The following PKHD1 variants were observed in gnomAD, a reference collection of about 807,000 sequenced individuals.
PKHD1 encodes the protein fibrocystin.
Under a neutral mutation model 412.0 loss-of-function variants are expected in PKHD1, and 291 were observed. The ratio of observed to expected loss-of-function variants is 0.71; its 90% CI spans 0.64 to 0.78. PKHD1 has a LOEUF of 0.78. Among genes scored for constraint, PKHD1 ranks in the 30% least tolerant of loss-of-function variants. The pLI, the probability that PKHD1 is intolerant of heterozygous loss-of-function variation, is 0.00. For synonymous variants in PKHD1, 1,777 were observed against 1,821.5 expected, an observed-to-expected ratio of 0.98 and a Z score of 0.62; for missense variants, 4,825 against 4,950.7, an observed-to-expected ratio of 0.97 and a Z score of 0.76.
chr6:51,791,458 G>T, intron 52 of PKHD1, 85 bp from the exon 53 acceptor site: 1 of 1,261,144 alleles, frequency 7.9e-7, no homozygotes, highest in Non-Finnish European at 1.1e-6. Flanking sequence ...CAGTTTGGGA[G>T]CTGTGTACAG....
At chr6:51,771,506 C>T (rs1365603840) in intron 55 of PKHD1, among the ~76,000 whole-genome samples, 4 of 151,704 alleles carry the variant, frequency 2.6e-5, no homozygotes, top group African/African-American at 9.7e-5. Flanking sequence ...GTAATCCCAG[C>T]TACTTGGGAG....
intron 60 of PKHD1, among the ~76,000 whole-genome samples, chr6:51,727,185 A>C (rs1047673683): frequency 1.3e-5 from 2 of 152,122 alleles, no homozygotes; most frequent in African/African-American, 4.8e-5. Flanking sequence ...TGCATTTTAA[A>C]CTTTTTTTTC....
chr6:51,710,413 A>G (rs1032917012), intron 60 of PKHD1, among the ~76,000 whole-genome samples: 1 of 152,160 alleles, frequency 6.6e-6, no homozygotes, highest in South Asian at 2.1e-4. Context: ...AACATAAAAT[A>G]TCATATTTAT....
chr6:52,007,050 C>A (rs1799172115), intron 35 of PKHD1, among the ~76,000 whole-genome samples: 1 of 152,176 alleles, frequency 6.6e-6, no homozygotes, highest in African/African-American at 2.4e-5. Flanking sequence ...AGTAGTATTC[C>A]ATTATATATA....
At chr6:51,803,455 C>T (rs1243565247) in intron 52 of PKHD1, among the ~76,000 whole-genome samples, 1 of 151,864 alleles carries the variant, frequency 6.6e-6, no homozygotes, top group East Asian at 1.9e-4. Flanking sequence ...AGTCCCAATA[C>T]TCTAAAATAT....
intron 35 of PKHD1, among the ~76,000 whole-genome samples, chr6:51,998,455 G>A (rs1211084489): frequency 1.3e-5 from 2 of 152,180 alleles, no homozygotes; most frequent in Non-Finnish European, 2.9e-5. Flanking sequence ...AATCAACTAA[G>A]TATCCATTAA....
chr6:51,956,305 CGT>C (rs3062566), intron 36 of PKHD1, among the ~76,000 whole-genome samples: 2,089 of 150,246 alleles, frequency 0.014, 23 homozygotes, highest in African/African-American at 0.036. Flanking sequence ...CTTATACATA[CGT>C]GTGTGTGTGT....
At chr6:51,721,894 T>C in intron 60 of PKHD1, 1 of 1,601,774 alleles carries the variant, frequency 6.2e-7, no homozygotes, top group African/African-American at 1.3e-5. Flanking sequence ...TTAACAAGTC[T>C]TTCCATTTGG....
intron 52 of PKHD1, among the ~76,000 whole-genome samples, chr6:51,792,359 CT>C (rs1793890188): frequency 6.6e-6 from 1 of 152,136 alleles, no homozygotes; most frequent in Admixed American, 6.6e-5. Context: ...ATAAGGAATT[CT>C]TTTGTTAGTA....
chr6:51,689,098 A>G (rs370595453), intron 60 of PKHD1, among the ~76,000 whole-genome samples: 2 of 152,324 alleles, frequency 1.3e-5, no homozygotes, highest in East Asian at 3.9e-4. Flanking sequence ...AAAATCCTCA[A>G]TAAAATACTG....
At chr6:51,895,170 T>A (rs1033609953) in intron 43 of PKHD1, among the ~76,000 whole-genome samples, 2 of 152,228 alleles carry the variant, frequency 1.3e-5, no homozygotes, top group Non-Finnish European at 2.9e-5. Flanking sequence ...TAACACTAAC[T>A]CAGCCAAGAA....
At chr6:51,730,185 T>C (rs1296459669) in intron 60 of PKHD1, among the ~76,000 whole-genome samples, 2 of 152,160 alleles carry the variant, frequency 1.3e-5, no homozygotes, top group Admixed American at 6.5e-5. Flanking sequence ...TCTAGTTTTT[T>C]AGTTTTGCTT....
chr6:51,693,179 T>C (rs1249053545), intron 60 of PKHD1, among the ~76,000 whole-genome samples: 1 of 152,202 alleles, frequency 6.6e-6, no homozygotes, highest in East Asian at 1.9e-4. Flanking sequence ...CATGTACTAA[T>C]AGGCCCCAAA....
At chr6:51,865,426 T>C (rs530677857) in intron 48 of PKHD1, among the ~76,000 whole-genome samples, 1 of 152,192 alleles carries the variant, frequency 6.6e-6, no homozygotes, top group Middle Eastern at 3.4e-3. Flanking sequence ...CACCGTCAGA[T>C]TTAAGGCAGT....
At chr6:51,650,648 C>T (rs1008171096) in intron 61 of PKHD1, among the ~76,000 whole-genome samples, 3 of 152,072 alleles carry the variant, frequency 2.0e-5, no homozygotes, top group Admixed American at 2.0e-4. Context: ...CAATGGATCA[C>T]TAAATATGAA....
chr6:51,700,280 T>C (rs1034877383), intron 60 of PKHD1, among the ~76,000 whole-genome samples: 5 of 151,790 alleles, frequency 3.3e-5, no homozygotes, highest in Non-Finnish European at 7.4e-5. Context: ...CTATGAAAGG[T>C]ACTTTAAAAT....
At chr6:51,954,229 A>G (rs1456057537) in intron 36 of PKHD1, among the ~76,000 whole-genome samples, 1 of 152,096 alleles carries the variant, frequency 6.6e-6, no homozygotes, top group Non-Finnish European at 1.5e-5. Flanking sequence ...AAACATCCAT[A>G]CGAGACAGGC....
chr6:52,062,978 G>A (rs1808908831), intron 13 of PKHD1, among the ~76,000 whole-genome samples: 1 of 152,144 alleles, frequency 6.6e-6, no homozygotes, highest in African/African-American at 2.4e-5. Context: ...GGAGGACAAT[G>A]TGACTGTGTG....
chr6:51,845,500 A>G (rs1222383050), intron 50 of PKHD1, among the ~76,000 whole-genome samples: 1 of 152,224 alleles, frequency 6.6e-6, no homozygotes, highest in Non-Finnish European at 1.5e-5. Flanking sequence ...CATTCAACAA[A>G]TCCTCTGTGA....
Sources: allele counts gnomAD v4.1 joint callset (sites outside exome capture counted in the v4.1 genomes callset), GRCh38; gene constraint gnomAD v4.1.1; transcripts MANE v1.5; gene names NCBI Gene and HGNC (gene_info 2026-07-23, HGNC 2026-07-21).